MCU: variants seen among roughly 807,000 people sequenced by gnomAD.
MCU encodes the protein mitochondrial calcium uniporter.
MCU carries 12 observed loss-of-function variants against 45.2 expected under a neutral mutation model. That is an observed-to-expected ratio of 0.27 (90% confidence interval 0.17 to 0.43). The LOEUF (loss-of-function observed/expected upper bound fraction) is 0.43, where lower values mean the gene tolerates loss of function less well. MCU is among the 20% of genes least tolerant of loss of function. The probability of loss-of-function intolerance (pLI) is 1.00; values close to 1 mark genes in which losing one functional copy is unlikely to be tolerated. For synonymous variants in MCU, 160 were observed against 165.1 expected (o/e 0.97, Z 0.24); for missense variants, 324 against 436.7 (o/e 0.74, Z 2.30).
intron 1 of MCU, among the ~76,000 whole-genome samples, chr10:72,697,491 T>C (rs1359172852): frequency 2.1e-5 from 3 of 144,530 alleles, no homozygotes; most frequent in African/African-American, 7.9e-5. Context: ...TGGAGTGCAG[T>C]GGTGTAATCT....
intron 1 of MCU, among the ~76,000 whole-genome samples, chr10:72,757,280 C>T (rs1033790706): frequency 1.3e-5 from 2 of 152,092 alleles, no homozygotes; most frequent in Non-Finnish European, 2.9e-5. Flanking sequence ...TCACCACCAC[C>T]ACCTCCTCCA....
At chr10:72,870,503 C>T (rs1845525849) in intron 5 of MCU, among the ~76,000 whole-genome samples, 2 of 152,070 alleles carry the variant, frequency 1.3e-5, no homozygotes, top group Admixed American at 1.3e-4. Context: ...AGGATGGTCG[C>T]GATCTCCTGA....
At chr10:72,727,775 G>T (rs1439900524) in intron 1 of MCU, among the ~76,000 whole-genome samples, 2 of 152,134 alleles carry the variant, frequency 1.3e-5, no homozygotes, top group Admixed American at 1.3e-4. Flanking sequence ...TTATATTCTT[G>T]TGGGGAGAGA....
intron 1 of MCU, among the ~76,000 whole-genome samples, chr10:72,799,376 T>C (rs1280110863): frequency 6.6e-6 from 1 of 152,266 alleles, no homozygotes; most frequent in African/African-American, 2.4e-5. Flanking sequence ...TGCCAAGCAC[T>C]ATTTTTGGTG....
rs183550341 is a variant in MCU, at chr10:72,695,105, G to A, written c.150+2804G>A. ...CTGCTATTTTTAAGTATGATTCTTCGAAGAGGAACTGCCTTTCATTGTGAG... is the reference window on the plus strand; with the variant it reads ...CTGCTATTTTTAAGTATGATTCTTCAAAGAGGAACTGCCTTTCATTGTGAG... On this transcript the variant is annotated intron_variant, in intron 1 of 7. Coordinates refer to ENST00000373053, the MANE Select transcript of MCU (RefSeq NM_138357.3). 5.5e-3 allele frequency among the ~76,000 whole-genome samples: 831 copies of A among 152,240 alleles called. 6 individuals carry two copies. The highest frequency in any genetic ancestry group is 0.019 in the African/African-American group (787 of 41,534).
chr10:72,733,703 ATT>A (rs1257977818), intron 1 of MCU, among the ~76,000 whole-genome samples: 1 of 128,168 alleles, frequency 7.8e-6, no homozygotes, highest in East Asian at 9.0e-4. Flanking sequence ...ATATATATAT[ATT>A]TTTTTAAAGA....
chr10:72,765,135 T>G (rs1159072311), intron 1 of MCU, among the ~76,000 whole-genome samples: 1 of 151,566 alleles, frequency 6.6e-6, no homozygotes, highest in Non-Finnish European at 1.5e-5. Flanking sequence ...GAACAAGAGT[T>G]TTAATGAAAA....
intron 1 of MCU, among the ~76,000 whole-genome samples, chr10:72,737,900 C>G (rs1051823998): frequency 6.6e-6 from 1 of 152,056 alleles, no homozygotes; most frequent in Non-Finnish European, 1.5e-5. Context: ...CAAGCTGTTT[C>G]TTATATTCCT....
chr10:72,840,052 CT>C lies in MCU; in HGVS notation c.220+5626del, dbSNP rs564401831. Among the ~76,000 whole-genome samples the C allele has an allele frequency of 1.0e-3, 155 of 149,144 alleles. 1 individual carries two copies. In the Middle Eastern group the frequency reaches 0.011, roughly 10 times the overall value. On this transcript the variant is annotated intron_variant, in intron 2 of 7. Coordinates refer to ENST00000373053, the MANE Select transcript of MCU (RefSeq NM_138357.3). ...TGTTTTCATTCTTCTTGGATAGATA[CT>C]TATGAATGGAATGGTTGGGTTATAT... is the stretch of plus-strand genomic sequence containing the variant.
chr10:72,712,375 A>G (rs779384352), intron 1 of MCU: 3 of 152,226 alleles, frequency 2.0e-5, no homozygotes, highest in Non-Finnish European at 4.4e-5. Flanking sequence ...TGTACAAGAT[A>G]CAGAGCAGCA....
intron 2 of MCU, among the ~76,000 whole-genome samples, chr10:72,843,624 A>G (rs193193314): frequency 6.0e-4 from 92 of 152,304 alleles, no homozygotes; most frequent in African/African-American, 2.1e-3. Flanking sequence ...TCTGTGTGCA[A>G]GTTTTTATAT....
At chr10:72,728,901 T>C (rs539060094) in intron 1 of MCU, among the ~76,000 whole-genome samples, 1 of 152,300 alleles carries the variant, frequency 6.6e-6, no homozygotes, top group South Asian at 2.1e-4. Flanking sequence ...GAGAATAGCA[T>C]GAGGGATCTA....
At chr10:72,831,591 T>G (rs183296615) in intron 1 of MCU, among the ~76,000 whole-genome samples, 48 of 152,234 alleles carry the variant, frequency 3.2e-4, no homozygotes, top group Non-Finnish European at 6.2e-4. Context: ...CAGATGAAAA[T>G]TTTTGCTTCG....
chr10:72,793,608 T>C (rs1419972354), intron 1 of MCU, among the ~76,000 whole-genome samples: 3 of 152,032 alleles, frequency 2.0e-5, no homozygotes, highest in African/African-American at 7.2e-5. Flanking sequence ...TTGGAATATC[T>C]CATATGGTCA....
chr10:72,849,739 G>C (rs915817363), intron 2 of MCU, among the ~76,000 whole-genome samples: 1 of 152,088 alleles, frequency 6.6e-6, no homozygotes, highest in Non-Finnish European at 1.5e-5. Context: ...TTTTACAAAG[G>C]GAGGGAGTCG....
intron 1 of MCU, among the ~76,000 whole-genome samples, chr10:72,719,796 T>A (rs1003807732): frequency 5.3e-5 from 8 of 152,234 alleles, no homozygotes. Context: ...ATTAAATTAT[T>A]ATTGGCTATA....
At chr10:72,773,561 G>A (rs1310241484) in intron 1 of MCU, among the ~76,000 whole-genome samples, 1 of 152,088 alleles carries the variant, frequency 6.6e-6, no homozygotes, top group Non-Finnish European at 1.5e-5. Flanking sequence ...AAGATAGAAA[G>A]CTTATTCATA....
intron 6 of MCU, among the ~76,000 whole-genome samples, chr10:72,878,111 CTTTTTTTTTT>C (rs10715401): frequency 2.4e-4 from 19 of 77,950 alleles, no homozygotes; most frequent in African/African-American, 1.1e-3. Context: ...AATAATTTTG[CTTTTTTTTTT>C]TTTTTTTTTT....
chr10:72,695,541 T>C (rs951266965), intron 1 of MCU, among the ~76,000 whole-genome samples: 3 of 152,138 alleles, frequency 2.0e-5, no homozygotes, highest in African/African-American at 7.2e-5. Context: ...TTATCACCCC[T>C]AATCACTCCT....
Sources: gnomAD v4.1 joint callset for allele counts (sites outside exome capture counted in the v4.1 genomes callset) on GRCh38, gnomAD v4.1.1 for gene constraint, MANE v1.5 for transcripts, NCBI Gene and HGNC (gene_info 2026-07-23, HGNC 2026-07-21) for gene names.